Variants in DIP2C observed in about 807,000 individuals in gnomAD.
DIP2C encodes the protein disco-interacting protein 2 homolog C.
DIP2C carries 33 observed loss-of-function variants against 192.4 expected under a neutral mutation model. The observed-to-expected ratio is 0.17, with a 90% CI of 0.13 to 0.23. DIP2C has a LOEUF of 0.23. Among genes scored for constraint, DIP2C ranks in the 10% least tolerant of loss-of-function variants. The pLI is 1.00. For synonymous variants in DIP2C, 979 were observed against 864.1 expected, an observed-to-expected ratio of 1.13 and a Z score of -2.33; for missense variants, 1,537 against 2,110.1, an observed-to-expected ratio of 0.73 and a Z score of 5.32.
At chr10:524,884 G>C (rs752050071) in intron 1 of DIP2C, among the ~76,000 whole-genome samples, 1 of 147,234 alleles carries the variant, frequency 6.8e-6, no homozygotes, top group African/African-American at 2.5e-5. Flanking sequence ...CTATACTCAA[G>C]AACAGGAAGA....
At chr10:517,962 C>T (rs147776868) in intron 1 of DIP2C, among the ~76,000 whole-genome samples, 1 of 152,220 alleles carries the variant, frequency 6.6e-6, no homozygotes, top group Non-Finnish European at 1.5e-5. Context: ...TCCTACACCT[C>T]CACAGGAAAC....
At chr10:548,505 AGGAG>A (rs148379693) in intron 1 of DIP2C, among the ~76,000 whole-genome samples, 33,099 of 132,836 alleles carry the variant, frequency 0.25, 5,813 homozygotes, top group African/African-American at 0.52. Context: ...TGATGTGGCC[AGGAG>A]GGAGGGAGGG....
chr10:624,489 A>AG (rs1014329357), intron 1 of DIP2C, among the ~76,000 whole-genome samples: 81 of 152,198 alleles, frequency 5.3e-4, no homozygotes, highest in African/African-American at 1.7e-3. Context: ...ACACAGCACC[A>AG]GAACACGGCT....
At chr10:294,748 T>C (rs769468554) in intron 32 of DIP2C, among the ~76,000 whole-genome samples, 19 of 152,126 alleles carry the variant, frequency 1.2e-4, no homozygotes, top group Non-Finnish European at 1.3e-4. Context: ...GGGAACTCCT[T>C]CGTTTTTAAA....
intron 9 of DIP2C, among the ~76,000 whole-genome samples, chr10:401,016 A>G (rs1299866820): frequency 7.9e-6 from 1 of 127,138 alleles, no homozygotes; most frequent in African/African-American, 3.1e-5. Context: ...GAATCCTGTG[A>G]TTTTACACGT....
chr10:613,905 A>C (rs1377169088), intron 1 of DIP2C, among the ~76,000 whole-genome samples: 1 of 152,020 alleles, frequency 6.6e-6, no homozygotes, highest in African/African-American at 2.4e-5. Flanking sequence ...CCACAGCTGG[A>C]AACACCTGAC....
intron 1 of DIP2C, among the ~76,000 whole-genome samples, chr10:623,131 C>T (rs1022489890): frequency 1.1e-4 from 17 of 152,128 alleles, no homozygotes; most frequent in African/African-American, 7.2e-5. Flanking sequence ...GGTGGCTGCA[C>T]GGAGCACGCG....
In DIP2C at chr10:309,912, T is replaced by C. The variant is rs561438810; in HGVS notation, c.3986+119A>G. 9.1e-6 allele frequency: 9 copies of C among 990,702 alleles called. No individual in the cohort carries two copies. In the South Asian group the frequency reaches 1.1e-4, roughly 12 times the overall value. 61.4% of individuals were successfully genotyped at this position (990,702 alleles called of 1,614,324 possible). A position where few individuals can be genotyped will look rare whatever the true frequency, so the allele number is the denominator to read the frequency against. ...CTCCACCACTTCACTCATGAGACAG[T>C]TACACTCTGGGCAGATAAACATCGT... On this transcript the variant is annotated intron_variant, in intron 32 of 36. Coordinates refer to ENST00000280886, the MANE Select transcript of DIP2C (RefSeq NM_014974.3).
intron 1 of DIP2C, among the ~76,000 whole-genome samples, chr10:603,685 G>A (rs1852258381): frequency 6.6e-6 from 1 of 152,124 alleles, no homozygotes; most frequent in Non-Finnish European, 1.5e-5. Context: ...GATACAACAG[G>A]GTTACTTTTC....
At chr10:467,387 G>T (rs1450011420) in intron 3 of DIP2C, among the ~76,000 whole-genome samples, 1 of 148,162 alleles carries the variant, frequency 6.7e-6, no homozygotes, top group Non-Finnish European at 1.5e-5. Flanking sequence ...GTGGTGGGGT[G>T]GGGGGAGGTG....
intron 32 of DIP2C, among the ~76,000 whole-genome samples, chr10:295,902 G>C (rs1564518566): frequency 1.3e-5 from 2 of 152,112 alleles, no homozygotes; most frequent in South Asian, 4.1e-4. Context: ...GTGTTTTTTG[G>C]CTGCATAAAT....
At position 331,486 on chromosome 10, in the gene DIP2C, T is replaced by C. The variant is rs552232665; in HGVS notation, c.3585-1885A>G. Among the ~76,000 whole-genome samples, 8 of 152,340 alleles carry C rather than the reference T, an allele frequency of 5.3e-5. No homozygotes were observed. In the South Asian group the frequency reaches 1.4e-3, roughly 28 times the overall value. ...TTCAACCATGAATCAAAGATATTCA[T>C]GAAAAAATCTGCATCTATACCTAAC... On this transcript the variant is annotated intron_variant, in intron 29 of 36. Coordinates refer to ENST00000280886, the MANE Select transcript of DIP2C (RefSeq NM_014974.3).
chr10:443,624 C>A (rs1041793933), intron 3 of DIP2C, among the ~76,000 whole-genome samples: 19 of 152,198 alleles, frequency 1.2e-4, no homozygotes, highest in Non-Finnish European at 2.6e-4. Flanking sequence ...TGTCGGGAGC[C>A]ACCAGCTCAT....
intron 1 of DIP2C, among the ~76,000 whole-genome samples, chr10:612,241 A>T (rs562843723): frequency 6.6e-6 from 1 of 152,150 alleles, no homozygotes; most frequent in East Asian, 1.9e-4. Context: ...GCAGTGAGCC[A>T]AGGTCACACC....
At chr10:588,641 C>CT (rs1371520132) in intron 1 of DIP2C, among the ~76,000 whole-genome samples, 1 of 152,216 alleles carries the variant, frequency 6.6e-6, no homozygotes, top group East Asian at 1.9e-4. Context: ...CCAAAGCTTG[C>CT]TCCAGGGCCA....
chr10:335,300 G>C (rs1159104479), intron 29 of DIP2C, among the ~76,000 whole-genome samples: 2 of 152,148 alleles, frequency 1.3e-5, no homozygotes, highest in Non-Finnish European at 2.9e-5. Flanking sequence ...ATCTAATGGT[G>C]AATCACTGAC....
intron 30 of DIP2C, among the ~76,000 whole-genome samples, chr10:327,583 G>A (rs1430665239): frequency 1.3e-5 from 2 of 152,170 alleles, no homozygotes; most frequent in African/African-American, 4.8e-5. Context: ...ATGTAAAAGA[G>A]ATGGGATCTT....
At chr10:463,215 T>C (rs1204215927) in intron 3 of DIP2C, among the ~76,000 whole-genome samples, 3 of 152,228 alleles carry the variant, frequency 2.0e-5, no homozygotes, top group African/African-American at 4.8e-5. Flanking sequence ...AAATTGTTTC[T>C]GTTTACAGAT....
chr10:338,704 A>C (rs980448913), intron 29 of DIP2C, among the ~76,000 whole-genome samples: 2 of 152,100 alleles, frequency 1.3e-5, no homozygotes, highest in African/African-American at 4.8e-5. Flanking sequence ...CACGGAGCCG[A>C]TCTCCCTCGG....
Sources: allele counts gnomAD v4.1 joint callset (sites outside exome capture counted in the v4.1 genomes callset), GRCh38; gene constraint gnomAD v4.1.1; transcripts MANE v1.5; gene names NCBI Gene and HGNC (gene_info 2026-07-23, HGNC 2026-07-21).